ADK: variants seen among roughly 807,000 people sequenced by gnomAD.
ADK encodes the protein N6,N6-dimethyladenosine kinase.
Under a neutral mutation model 44.7 loss-of-function variants are expected in ADK, and 24 were observed. The ratio of observed to expected loss-of-function variants is 0.54; its 90% CI spans 0.39 to 0.76. The LOEUF is 0.76. Among genes scored for constraint, ADK ranks in the 30% least tolerant of loss-of-function variants. ADK has a pLI of 0.00. For missense variants in ADK, 321 were observed against 425.1 expected, an observed-to-expected ratio of 0.76 and a Z score of 2.15; for synonymous variants, 128 against 142.6, an observed-to-expected ratio of 0.90 and a Z score of 0.73.
intron 3 of ADK, among the ~76,000 whole-genome samples, chr10:74,302,102 TTTG>T (rs1840064460): frequency 1.5e-4 from 3 of 19,688 alleles, no homozygotes; most frequent in African/African-American, 8.2e-4. Flanking sequence ...TTTTTTTTTG[TTTG>T]TTTGTTTTTT....
intron 7 of ADK, among the ~76,000 whole-genome samples, chr10:74,583,028 TAA>T (rs1396945040): frequency 2.6e-5 from 4 of 152,160 alleles, no homozygotes; most frequent in Non-Finnish European, 1.5e-5. Flanking sequence ...AAATAATGCA[TAA>T]GTTAAAATAG....
At chr10:74,440,774 G>A (rs1007955360) in intron 6 of ADK, among the ~76,000 whole-genome samples, 2 of 152,032 alleles carry the variant, frequency 1.3e-5, no homozygotes, top group Non-Finnish European at 1.5e-5. Flanking sequence ...TCCAAAGAGG[G>A]TTGAATAGTA....
chr10:74,296,028 A>G (rs1839798904), intron 3 of ADK, among the ~76,000 whole-genome samples: 1 of 148,722 alleles, frequency 6.7e-6, no homozygotes, highest in African/African-American at 2.5e-5. Flanking sequence ...TTCTCTGTAG[A>G]TCATGATGTA....
At chr10:74,330,115 C>G (rs12359775) in intron 4 of ADK, among the ~76,000 whole-genome samples, 1 of 151,974 alleles carries the variant, frequency 6.6e-6, no homozygotes, top group Admixed American at 6.6e-5. Flanking sequence ...CTGTAGTGAG[C>G]CATGATTCTG....
At chr10:74,560,596 A>T (rs1295234627) in intron 7 of ADK, among the ~76,000 whole-genome samples, 2 of 152,204 alleles carry the variant, frequency 1.3e-5, no homozygotes, top group South Asian at 2.1e-4. Flanking sequence ...AACATGTAAC[A>T]GTTTGTTCCT....
At chr10:74,268,023 C>G (rs534081948) in intron 3 of ADK, among the ~76,000 whole-genome samples, 108 of 152,140 alleles carry the variant, frequency 7.1e-4, no homozygotes, top group Middle Eastern at 3.4e-3. Flanking sequence ...AGGAAGTCAT[C>G]TTAAAGCTGT....
chr10:74,182,600 C>T (rs1456875106), intron 1 of ADK, among the ~76,000 whole-genome samples: 2 of 152,120 alleles, frequency 1.3e-5, no homozygotes, highest in Admixed American at 1.3e-4. Context: ...AACTTCTGAC[C>T]TCAGGTGATT....
chr10:74,189,900 C>T (rs1053657747), intron 1 of ADK, among the ~76,000 whole-genome samples: 1 of 151,860 alleles, frequency 6.6e-6, no homozygotes, highest in Admixed American at 6.6e-5. Context: ...TTTCAAAGTT[C>T]ATACATGTTG....
chr10:74,267,772 G>A (rs955148487), intron 3 of ADK, among the ~76,000 whole-genome samples: 1 of 147,468 alleles, frequency 6.8e-6, no homozygotes, highest in Non-Finnish European at 1.5e-5. Flanking sequence ...GTGTGTGTGT[G>A]TGTGTGTGTG....
chr10:74,666,830 C>T (rs1206590636), intron 9 of ADK, among the ~76,000 whole-genome samples: 27 of 109,026 alleles, frequency 2.5e-4, no homozygotes, highest in African/African-American at 8.6e-4. Flanking sequence ...AGTTTTGTGA[C>T]TTTTTTTTTT....
chr10:74,692,291 C>T (rs920621429), intron 10 of ADK, among the ~76,000 whole-genome samples: 1 of 152,082 alleles, frequency 6.6e-6, no homozygotes, highest in Non-Finnish European at 1.5e-5. Flanking sequence ...CCAGCCTGGC[C>T]AACATGGTGA....
At chr10:74,360,494 CCTA>C (rs1282173323) in intron 4 of ADK, among the ~76,000 whole-genome samples, 1 of 152,020 alleles carries the variant, frequency 6.6e-6, no homozygotes, top group African/African-American at 2.4e-5. Flanking sequence ...ATTGAAATCC[CCTA>C]CTATTATTGT....
chr10:74,480,538 CAA>C (rs1847030523), intron 6 of ADK, among the ~76,000 whole-genome samples: 1 of 152,120 alleles, frequency 6.6e-6, no homozygotes, highest in African/African-American at 2.4e-5. Flanking sequence ...CTCAGCCTCC[CAA>C]AGTTTTAGGA....
intron 7 of ADK, among the ~76,000 whole-genome samples, chr10:74,561,770 C>A (rs990421421): frequency 6.6e-6 from 1 of 152,094 alleles, no homozygotes. Flanking sequence ...GCTGGCTAAG[C>A]GAGTCCAAAG....
At chr10:74,265,339 C>G (rs1846176737) in intron 3 of ADK, among the ~76,000 whole-genome samples, 1 of 151,924 alleles carries the variant, frequency 6.6e-6, no homozygotes, top group Admixed American at 6.6e-5. Context: ...CTTCAGCCTC[C>G]TGAGTAGCTA....
intron 1 of ADK, among the ~76,000 whole-genome samples, chr10:74,195,685 TTTC>T: frequency 6.9e-6 from 1 of 144,362 alleles, no homozygotes; most frequent in African/African-American, 2.6e-5. Context: ...TCTTTCTTTC[TTTC>T]TTTCTTTTTC....
chr10:74,392,629 A>C (rs895594566), intron 4 of ADK, among the ~76,000 whole-genome samples: 1 of 152,114 alleles, frequency 6.6e-6, no homozygotes, highest in African/African-American at 2.4e-5. Context: ...GCCATGCAGA[A>C]GTTAAGCTTG....
intron 1 of ADK, among the ~76,000 whole-genome samples, chr10:74,173,239 C>T (rs1221857687): frequency 1.4e-5 from 2 of 147,004 alleles, no homozygotes; most frequent in Non-Finnish European, 3.0e-5. Context: ...TACAGGCACC[C>T]GCCACCACGC....
chr10:74,374,969 A>G (rs1842774621), intron 4 of ADK, among the ~76,000 whole-genome samples: 1 of 152,134 alleles, frequency 6.6e-6, no homozygotes, highest in South Asian at 2.1e-4. Flanking sequence ...CAGTAGAGCT[A>G]TGAACTTCTC....
Sources: allele counts gnomAD v4.1 joint callset (sites outside exome capture counted in the v4.1 genomes callset), GRCh38; gene constraint gnomAD v4.1.1; transcripts MANE v1.5; gene names NCBI Gene and HGNC (gene_info 2026-07-23, HGNC 2026-07-21).